Variants in GGNBP2 observed in about 807,000 individuals in gnomAD.
GGNBP2 encodes the protein gametogenetin-binding protein 2.
GGNBP2 carries 10 observed loss-of-function variants against 85.9 expected under a neutral mutation model. That is an observed-to-expected ratio of 0.12 (90% CI 0.07 to 0.20). GGNBP2 has a LOEUF of 0.20. Ranked by LOEUF, GGNBP2 falls within the 10% of genes least tolerant of loss-of-function variation. GGNBP2 has a pLI of 1.00. For synonymous variants in GGNBP2, 287 were observed against 285.7 expected, an observed-to-expected ratio of 1.00 and a Z score of -0.05; for missense variants, 595 against 857.8, an observed-to-expected ratio of 0.69 and a Z score of 3.83.
At chr17:36,587,533 A>G (rs1567836959) in intron 13 of GGNBP2, 1 of 337,928 alleles carries the variant, frequency 3.0e-6, no homozygotes, top group Non-Finnish European at 5.6e-6. Flanking sequence ...TAACTCAAAA[A>G]TACTGCGAGT....
intron 4 of GGNBP2, among the ~76,000 whole-genome samples, chr17:36,557,710 G>GAC (rs2074376562): frequency 6.6e-6 from 1 of 152,218 alleles, no homozygotes; most frequent in African/African-American, 2.4e-5. Context: ...GGGACAGCTA[G>GAC]TGTAAAGGTT....
At chr17:36,583,430 G>T (rs1255671286) in intron 9 of GGNBP2, among the ~76,000 whole-genome samples, 1 of 152,006 alleles carries the variant, frequency 6.6e-6, no homozygotes, top group Non-Finnish European at 1.5e-5. Context: ...TATGAAGAAA[G>T]TCTAGTCTCA....
intron 3 of GGNBP2, 72 bp downstream of exon 3, chr17:36,554,972 ATTAAT>A: frequency 1.1e-6 from 1 of 917,480 alleles, no homozygotes. Flanking sequence ...ATTTAGCTGT[ATTAAT>A]TTTATATAGG....
chr17:36,587,753 G>A (rs986251775), intron 13 of GGNBP2, among the ~76,000 whole-genome samples: 1 of 152,184 alleles, frequency 6.6e-6, no homozygotes, highest in Non-Finnish European at 1.5e-5. Context: ...TGGGCATGGT[G>A]GCGTGTGCCA....
intron 4 of GGNBP2, among the ~76,000 whole-genome samples, chr17:36,558,905 A>G (rs537158055): frequency 6.6e-6 from 1 of 152,184 alleles, no homozygotes; most frequent in African/African-American, 2.4e-5. Flanking sequence ...ATGGTTATAA[A>G]GGATCCTGGA....
intron 5 of GGNBP2, among the ~76,000 whole-genome samples, chr17:36,562,505 ATT>A (rs1240345562): frequency 6.8e-6 from 1 of 147,930 alleles, no homozygotes; most frequent in Non-Finnish European, 1.5e-5. Context: ...CATTTGTGTC[ATT>A]GTCACCTTTT....
Position 36,581,145 on chromosome 17 carries a change from C to T in GGNBP2, c.1021-199C>T, listed in dbSNP as rs570432343. Among the ~76,000 whole-genome samples the T allele has an allele frequency of 1.9e-3, 283 of 151,380 alleles. 2 individuals are homozygous for T. The highest frequency in any genetic ancestry group is 2.1e-3 in the Non-Finnish European group (143 of 67,824). ...TAAAAAATACAAAAAATTAGCCGGG[C>T]GTGGTGGCGGGCACCTGTAGTCCCA... On this transcript the variant is annotated intron_variant, in intron 8 of 13. Transcript: ENST00000613102.
intron 3 of GGNBP2, 24 bp from the exon 4 acceptor site, chr17:36,557,059 T>C (rs2142706199): frequency 6.2e-7 from 1 of 1,613,134 alleles, no homozygotes; most frequent in South Asian, 1.1e-5. Flanking sequence ...AAGGACACTC[T>C]TTCATTTTCT....
chr17:36,556,011 T>G (rs2074357785), intron 3 of GGNBP2, among the ~76,000 whole-genome samples: 1 of 152,202 alleles, frequency 6.6e-6, no homozygotes, highest in African/African-American at 2.4e-5. Context: ...TTAGGAAAAC[T>G]TTGAATGGAA....
intron 6 of GGNBP2, among the ~76,000 whole-genome samples, chr17:36,569,002 C>T (rs2074496236): frequency 6.6e-6 from 1 of 152,142 alleles, no homozygotes; most frequent in Non-Finnish European, 1.5e-5. Flanking sequence ...ATCCGCTCTC[C>T]TCAGCCTCCC....
intron 3 of GGNBP2, among the ~76,000 whole-genome samples, chr17:36,556,711 AAAAC>A (rs780996121): frequency 4.3e-4 from 66 of 151,736 alleles, no homozygotes; most frequent in Non-Finnish European, 7.7e-4. Flanking sequence ...TCAAAAAACA[AAAAC>A]AAACAAACTT....
At chr17:36,576,802 G>T (rs2074596205) in intron 6 of GGNBP2, 2 of 151,482 alleles carry the variant, frequency 1.3e-5, no homozygotes, top group Admixed American at 6.6e-5. Flanking sequence ...GGAGAAGTTG[G>T]AATTAACTCA....
intron 2 of GGNBP2, among the ~76,000 whole-genome samples, chr17:36,552,758 C>G (rs919095161): frequency 1.3e-5 from 2 of 152,130 alleles, no homozygotes; most frequent in Admixed American, 6.6e-5. Context: ...TGGTGACTCA[C>G]GCCTGTAATC....
intron 2 of GGNBP2, among the ~76,000 whole-genome samples, chr17:36,553,935 A>G (rs576577625): frequency 6.6e-6 from 1 of 152,296 alleles, no homozygotes; most frequent in East Asian, 1.9e-4. Flanking sequence ...CTTAAGTTTC[A>G]TATGCCTTCC....
intron 2 of GGNBP2, among the ~76,000 whole-genome samples, chr17:36,551,810 CAG>C (rs958156130): frequency 1.3e-5 from 2 of 151,970 alleles, no homozygotes; most frequent in African/African-American, 2.4e-5. Flanking sequence ...GCCTAGGCAA[CAG>C]AGTTGAGACC....
At chr17:36,570,658 G>A (rs757405939) in intron 6 of GGNBP2, among the ~76,000 whole-genome samples, 2 of 152,144 alleles carry the variant, frequency 1.3e-5, no homozygotes, top group South Asian at 2.1e-4. Flanking sequence ...AACTGAGATC[G>A]CGCCATTGCG....
intron 4 of GGNBP2, among the ~76,000 whole-genome samples, chr17:36,558,775 T>G (rs1372889318): frequency 6.6e-6 from 1 of 151,274 alleles, no homozygotes; most frequent in Non-Finnish European, 1.5e-5. Context: ...TTTTTTTTAC[T>G]CTGAGTGAGG....
chr17:36,572,819 C>T (rs192714894), intron 6 of GGNBP2, among the ~76,000 whole-genome samples: 44 of 152,262 alleles, frequency 2.9e-4, no homozygotes, highest in African/African-American at 9.9e-4. Context: ...TGAAACTATA[C>T]GCATTGAACA....
chr17:36,567,588 T>C lies in GGNBP2; in HGVS notation c.528-75T>C, dbSNP rs1202970221. 3.1e-5 allele frequency: 23 copies of C among 730,172 alleles called. No individual in the cohort carries two copies. In the East Asian group the frequency reaches 6.1e-4, roughly 19 times the overall value. 45.2% of individuals were successfully genotyped at this position (730,172 alleles called of 1,614,324 possible). On this transcript the variant is annotated intron_variant, in intron 5 of 13. Transcript: ENST00000613102. ...AGCCAGGTAAAAACAAGCAATACTT[T>C]AATCTGTTTTTTGTTTTTTTAAGGT... is the stretch of plus-strand genomic sequence containing the variant.
Sources: allele counts gnomAD v4.1 joint callset (sites outside exome capture counted in the v4.1 genomes callset), GRCh38; gene constraint gnomAD v4.1.1; transcripts MANE v1.5; gene names NCBI Gene and HGNC (gene_info 2026-07-23, HGNC 2026-07-21).